FNDC3A: variants seen among roughly 807,000 people sequenced by gnomAD.
FNDC3A encodes the protein fibronectin type III domain containing 3A.
Under a neutral mutation model 148.9 loss-of-function variants are expected in FNDC3A, and 32 were observed. The observed-to-expected ratio is 0.21, with a 90% CI of 0.16 to 0.29. The LOEUF is 0.29. FNDC3A is among the 10% of genes least tolerant of loss of function. The pLI, the probability that FNDC3A is intolerant of heterozygous loss-of-function variation, is 1.00. For synonymous variants in FNDC3A, 472 were observed against 473.6 expected (o/e 1.00, Z 0.04); for missense variants, 1,191 against 1,452.8 (o/e 0.82, Z 2.93).
intron 2 of FNDC3A, among the ~76,000 whole-genome samples, chr13:49,009,943 G>A (rs1049081503): frequency 1.1e-4 from 17 of 151,958 alleles, no homozygotes; most frequent in African/African-American, 2.7e-4. Flanking sequence ...ATAACTTCCC[G>A]TCTCATTTGT....
intron 2 of FNDC3A, among the ~76,000 whole-genome samples, chr13:49,038,577 T>A (rs1256723443): frequency 6.6e-6 from 1 of 152,188 alleles, no homozygotes; most frequent in East Asian, 1.9e-4. Flanking sequence ...AAAATAAATT[T>A]CTGTGGTTCT....
intron 2 of FNDC3A, chr13:49,044,669 CAAAAA>C (rs879523403): frequency 1.1e-5 from 2 of 181,356 alleles, no homozygotes; most frequent in Non-Finnish European, 2.3e-5. Flanking sequence ...GACTCTGTCT[CAAAAA>C]AAAAAAAGAA....
chr13:49,110,009 T>C (rs1880440693), intron 3 of FNDC3A, among the ~76,000 whole-genome samples: 1 of 152,192 alleles, frequency 6.6e-6, no homozygotes, highest in Admixed American at 6.5e-5. Context: ...AATTAGAAGA[T>C]AGCACCTGTG....
intron 8 of FNDC3A, among the ~76,000 whole-genome samples, chr13:49,151,949 G>A (rs1302469385): frequency 2.0e-5 from 3 of 152,148 alleles, no homozygotes; most frequent in Non-Finnish European, 4.4e-5. Flanking sequence ...TGGTGAATAT[G>A]TGCCACATTT....
chr13:49,134,981 G>A (rs544420369), intron 5 of FNDC3A, among the ~76,000 whole-genome samples: 46 of 150,060 alleles, frequency 3.1e-4, no homozygotes, highest in Non-Finnish European at 5.3e-4. Flanking sequence ...TCAGCCTCGC[G>A]AATAGCTGGG....
At position 49,191,383 on chromosome 13, in the gene FNDC3A, G is replaced by C; in HGVS notation, c.2225G>C (p.Gly742Ala). ...SFRLRAANKMGFGPFSEKCDI... is the reference protein window; with the variant it reads ...SFRLRAANKMAFGPFSEKCDI... ...AGACTACGTGCAGCTAACAAAATGG[G>C]GGTAAGAAGACTGTGCTGGTAGAAT... The change falls in exon 19 of 26, where the codon GGG becomes GCG. Residue 742 changes from glycine to alanine, a missense_variant and splice_region_variant. Physicochemically the swap from Gly to Ala is moderately conservative, Grantham distance 60 (BLOSUM62 0). This residue lies in a region of FNDC3A where 751 missense variants were observed against 944.0 expected (regional missense o/e 0.80). Transcript: ENST00000492622. 1 of 1,583,752 alleles carries C rather than the reference G, an allele frequency of 6.3e-7. No homozygotes were observed. The highest frequency in any genetic ancestry group is 1.9e-5 in the Admixed American group (1 of 51,912).
intron 25 of FNDC3A, among the ~76,000 whole-genome samples, chr13:49,205,885 A>AG (rs1886621225): frequency 1.3e-5 from 2 of 152,232 alleles, no homozygotes; most frequent in African/African-American, 4.8e-5. Context: ...TTCTGGAGAC[A>AG]GAAAAATGAG....
rs1886536135 is a variant in FNDC3A, at chr13:49,204,015, T to C, written c.3282+731T>C. 2.0e-5 allele frequency among the ~76,000 whole-genome samples: 3 copies of C among 152,186 alleles called. No individual in the cohort carries two copies. The South Asian group carries it at 6.2e-4, about 31-fold the overall frequency. On this transcript the variant is annotated intron_variant, in intron 25 of 25. Coordinates refer to ENST00000492622, the MANE Select transcript of FNDC3A (RefSeq NM_001079673.2). ...ATCAGACACAACGTTGTTTTGACTA[T>C]AGTGTTGAAACTACAGTAGGACAAG...
intron 2 of FNDC3A, among the ~76,000 whole-genome samples, chr13:49,034,383 CTCTT>C (rs1303425024): frequency 1.3e-5 from 2 of 152,000 alleles, no homozygotes; most frequent in East Asian, 3.8e-4. Flanking sequence ...ATTGAAATGA[CTCTT>C]TCATACAGGT....
At chr13:49,001,167 C>G (rs1952117924) in intron 1 of FNDC3A, among the ~76,000 whole-genome samples, 1 of 152,110 alleles carries the variant, frequency 6.6e-6, no homozygotes, top group African/African-American at 2.4e-5. Flanking sequence ...TATTAGTTCC[C>G]CAAATTAATA....
At chr13:49,162,257 A>T (rs1566296932) in intron 8 of FNDC3A, among the ~76,000 whole-genome samples, 1 of 152,138 alleles carries the variant, frequency 6.6e-6, no homozygotes, top group Non-Finnish European at 1.5e-5. Context: ...TGAGACGTAG[A>T]TTTGGTCTTT....
Position 49,154,059 on chromosome 13 carries a change from G to C in FNDC3A, c.977+8124G>C, listed in dbSNP as rs1883495353. ...AGTTTTTTCCAATTCTGTGAAGAAA[G>C]TCATTGGTAGCTTGATGGGGATGGC... On this transcript the variant is annotated intron_variant, in intron 8 of 25. Transcript: ENST00000492622. 4.3e-5 allele frequency among the ~76,000 whole-genome samples: 5 copies of C among 115,244 alleles called. No individual in the cohort carries two copies. The Admixed American group carries it at 4.9e-4, about 11-fold the overall frequency. The allele number at this position is 115,244 out of a possible 152,430, so 75.6% of individuals were successfully genotyped here.
intron 8 of FNDC3A, among the ~76,000 whole-genome samples, chr13:49,158,752 G>C (rs1317223909): frequency 6.6e-6 from 1 of 152,056 alleles, no homozygotes; most frequent in African/African-American, 2.4e-5. Flanking sequence ...TATGGTTTTG[G>C]GTCTAACATT....
At chr13:49,197,692 G>A (rs762606241) in intron 20 of FNDC3A, 33 bp from the exon 21 acceptor site, 38 of 1,577,470 alleles carry the variant, frequency 2.4e-5, no homozygotes, top group Non-Finnish European at 3.1e-5. Flanking sequence ...TCAACATCAA[G>A]ACTAAGACCT....
intron 1 of FNDC3A, among the ~76,000 whole-genome samples, chr13:48,996,076 A>T (rs1281497678): frequency 6.6e-6 from 1 of 152,214 alleles, no homozygotes; most frequent in Admixed American, 6.5e-5. Flanking sequence ...TTCTCCTGAA[A>T]GGGTACTTAG....
chr13:49,082,227 A>T (rs1878524320), intron 3 of FNDC3A, among the ~76,000 whole-genome samples: 2 of 152,038 alleles, frequency 1.3e-5, no homozygotes, highest in Non-Finnish European at 2.9e-5. Context: ...CTCTATTAAA[A>T]ATACAAAAAT....
chr13:49,059,329 C>T (rs1876486126), intron 2 of FNDC3A, among the ~76,000 whole-genome samples: 1 of 152,162 alleles, frequency 6.6e-6, no homozygotes, highest in Non-Finnish European at 1.5e-5. Context: ...TTAAATATGA[C>T]ACTGAAAACG....
chr13:49,147,177 A>G (rs927204839), intron 8 of FNDC3A, among the ~76,000 whole-genome samples: 7 of 152,224 alleles, frequency 4.6e-5, no homozygotes, highest in African/African-American at 1.7e-4. Flanking sequence ...ATAAAGGACT[A>G]TCAACATAAA....
chr13:49,204,639 G>A (rs958324234), intron 25 of FNDC3A, among the ~76,000 whole-genome samples: 1 of 152,194 alleles, frequency 6.6e-6, no homozygotes, highest in African/African-American at 2.4e-5. Flanking sequence ...AAATATAATT[G>A]TATTACACGT....
Sources: gnomAD v4.1 joint callset for allele counts (sites outside exome capture counted in the v4.1 genomes callset) on GRCh38, gnomAD v4.1.1 for gene constraint, gnomAD v4.1.1 regional missense constraint, MANE v1.5 for transcripts, NCBI Gene and HGNC (gene_info 2026-07-23, HGNC 2026-07-21) for gene names.